The following ZBTB40 variants were observed in gnomAD, a reference collection of about 807,000 sequenced individuals.
ZBTB40 encodes the protein zinc finger and BTB domain containing 40.
ZBTB40 carries 60 observed loss-of-function variants against 117.5 expected under a neutral mutation model. The observed-to-expected ratio is 0.51, with a 90% CI of 0.41 to 0.63. The LOEUF (loss-of-function observed/expected upper bound fraction) is 0.63, where lower values mean the gene tolerates loss of function less well. ZBTB40 is among the 30% of genes least tolerant of loss of function. The probability of loss-of-function intolerance (pLI) is 0.00; values close to 1 mark genes in which losing one functional copy is unlikely to be tolerated. For synonymous variants in ZBTB40, 525 were observed against 577.1 expected (o/e 0.91, Z 1.29); for missense variants, 1,287 against 1,498.5 (o/e 0.86, Z 2.33).
intron 9 of ZBTB40, among the ~76,000 whole-genome samples, chr1:22,510,604 A>T (rs1639205828): frequency 6.6e-6 from 1 of 152,228 alleles, no homozygotes; most frequent in South Asian, 2.1e-4. Context: ...CTGAAAGAGG[A>T]CGACGGCTTT....
chr1:22,515,586 A>G (rs1474920768), intron 12 of ZBTB40, among the ~76,000 whole-genome samples: 1 of 150,970 alleles, frequency 6.6e-6, no homozygotes, highest in Non-Finnish European at 1.5e-5. Context: ...CATCACCCCA[A>G]CCTCTGCCTC....
At position 22,517,400 on chromosome 1, in the gene ZBTB40, C is replaced by CGGGCT. The variant is rs774519445; in HGVS notation, c.2769_2770insGGGCT (p.Arg924GlyfsTer25). The CGGGCT allele has an allele frequency of 1.9e-6, 3 of 1,614,062 alleles. No individual in the cohort carries two copies. In the African/African-American group the frequency reaches 4.0e-5, roughly 22 times the overall value. The stretch of plus-strand genomic sequence containing the variant: ...ACACCGGGGACAAGCCCTATGTCTG[C>CGGGCT]AGAGACTGTGGCAAGGGCTTCCGGC... On this transcript the variant is annotated frameshift_variant, in exon 13 of 18. Coordinates refer to ENST00000375647, the MANE Select transcript of ZBTB40 (RefSeq NM_014870.4). LOFTEE classifies it high-confidence loss of function.
At chr1:22,517,137 A>T (rs1423385924) in intron 12 of ZBTB40, among the ~76,000 whole-genome samples, 163 bp from the exon 13 acceptor site, 9 of 152,166 alleles carry the variant, frequency 5.9e-5, no homozygotes, top group African/African-American at 2.2e-4. Flanking sequence ...GTGCCATGTG[A>T]TGAGACGGCT....
intron 14 of ZBTB40, among the ~76,000 whole-genome samples, chr1:22,521,046 G>T (rs1336907709): frequency 2.0e-5 from 3 of 152,262 alleles, no homozygotes; most frequent in African/African-American, 7.2e-5. Context: ...TCCTCCAGCA[G>T]CTTGCTCGGC....
At chr1:22,479,571 C>G (rs981573704) in intron 1 of ZBTB40, among the ~76,000 whole-genome samples, 2 of 152,000 alleles carry the variant, frequency 1.3e-5, no homozygotes, top group African/African-American at 2.4e-5. Flanking sequence ...TGTGTTTTCT[C>G]TTGGTTTGCT....
intron 1 of ZBTB40, among the ~76,000 whole-genome samples, chr1:22,446,513 TA>T (rs1027071194): frequency 2.0e-5 from 3 of 151,870 alleles, no homozygotes; most frequent in Non-Finnish European, 4.4e-5. Flanking sequence ...AGAAATCTTG[TA>T]AGAAGCCACA....
At chr1:22,459,026 GT>G (rs1641069945) in intron 1 of ZBTB40, among the ~76,000 whole-genome samples, 2 of 152,062 alleles carry the variant, frequency 1.3e-5, no homozygotes, top group Admixed American at 1.3e-4. Context: ...AAGTTTTGGG[GT>G]TTTGCCAATC....
At chr1:22,521,349 A>G (rs1012360788) in intron 14 of ZBTB40, 147 bp from the exon 15 acceptor site, 10 of 1,037,538 alleles carry the variant, frequency 9.6e-6, no homozygotes, top group Non-Finnish European at 1.5e-5. Context: ...CTTTCCTCAC[A>G]TCAGCACCCG....
At chr1:22,469,252 T>G (rs935280713) in intron 1 of ZBTB40, among the ~76,000 whole-genome samples, 1 of 152,244 alleles carries the variant, frequency 6.6e-6, no homozygotes, top group African/African-American at 2.4e-5. Flanking sequence ...TTTGTGAATT[T>G]CTTCTGTTTC....
chr1:22,512,972 C>T lies in ZBTB40; in HGVS notation c.2510C>T (p.Ser837Phe), dbSNP rs1158058510. The change falls in exon 12 of 18, where the codon TCC (serine) becomes TTC (phenylalanine). Residue 837 changes from serine to phenylalanine, a missense_variant. By Grantham distance (155) the Ser-to-Phe change is radical. Coordinates refer to ENST00000375647, the MANE Select transcript of ZBTB40 (RefSeq NM_014870.4). Reference sequence around the variant, plus strand: ...GAGCACTTCGATGAGAAGCCTTTCTCCTGTGAAGAGTGTGGGGCGAAGTTT... The same window carrying T: ...GAGCACTTCGATGAGAAGCCTTTCTTCTGTGAAGAGTGTGGGGCGAAGTTT... ...LTEHFDEKPF[S>F]CEECGAKFAA... 2.5e-6 allele frequency: 4 copies of T among 1,614,238 alleles called. No individual in the cohort carries two copies. Among genetic ancestry groups the T allele is most frequent in the African/African-American group, 2.7e-5 (2 of 75,056 alleles).
intron 5 of ZBTB40, 124 bp downstream of exon 5, chr1:22,502,565 G>T: frequency 7.6e-7 from 1 of 1,323,828 alleles, no homozygotes; most frequent in Non-Finnish European, 1.1e-6. Context: ...TAAGCATCTC[G>T]AAGTCAAGGT....
At chr1:22,432,405 A>C (rs1640603975) in intron 1 of ZBTB40, among the ~76,000 whole-genome samples, 1 of 152,206 alleles carries the variant, frequency 6.6e-6, no homozygotes, top group Non-Finnish European at 1.5e-5. Flanking sequence ...GCTACTCCCA[A>C]CATCTGCTCC....
chr1:22,468,740 C>T (rs183167680), intron 1 of ZBTB40, among the ~76,000 whole-genome samples: 9 of 144,708 alleles, frequency 6.2e-5, no homozygotes, highest in African/African-American at 2.3e-4. Flanking sequence ...CTCAAGTAAT[C>T]CTCCTGCCTT....
At position 22,528,442 on chromosome 1, in the gene ZBTB40, C is replaced by T. The variant is rs1386651037; in HGVS notation, c.*2046C>T. On this transcript the variant is annotated 3_prime_UTR_variant, in exon 18 of 18. Coordinates refer to ENST00000375647, the MANE Select transcript of ZBTB40 (RefSeq NM_014870.4). ...AAGTGATTTAAAAAGAAAAAACAAA[C>T]AACAACAAAAAAAACTCTTCGGAAT... The T allele has an allele frequency of 1.3e-5, 2 of 149,930 alleles. No individual in the cohort carries two copies. Among genetic ancestry groups the T allele is most frequent in the Non-Finnish European group, 3.0e-5 (2 of 67,436 alleles). 9.3% of individuals were successfully genotyped at this position (149,930 alleles called of 1,614,324 possible). A position where few individuals can be genotyped will look rare whatever the true frequency, so the allele number is the denominator to read the frequency against.
chr1:22,469,694 C>G (rs369291123), intron 1 of ZBTB40, among the ~76,000 whole-genome samples: 1 of 152,038 alleles, frequency 6.6e-6, no homozygotes, highest in Non-Finnish European at 1.5e-5. Context: ...GTAGCTACCA[C>G]GCCCGACTAA....
chr1:22,509,647 C>T (rs1406329343), intron 9 of ZBTB40, among the ~76,000 whole-genome samples: 2 of 152,226 alleles, frequency 1.3e-5, no homozygotes, highest in East Asian at 1.9e-4. Context: ...CTGTGCCTGG[C>T]CAGAACCAAT....
intron 1 of ZBTB40, among the ~76,000 whole-genome samples, chr1:22,484,159 A>C (rs1342946719): frequency 6.6e-6 from 1 of 152,176 alleles, no homozygotes; most frequent in Non-Finnish European, 1.5e-5. Flanking sequence ...GTAGCTTTAA[A>C]ATAGTAAATG....
intron 1 of ZBTB40, among the ~76,000 whole-genome samples, chr1:22,467,841 C>T (rs1453733928): frequency 2.0e-5 from 3 of 149,808 alleles, no homozygotes; most frequent in Non-Finnish European, 4.4e-5. Flanking sequence ...TGCCTGTAAT[C>T]CCAGCACCTT....
At chr1:22,517,177 C>G in intron 12 of ZBTB40, 123 bp from the exon 13 acceptor site, 1 of 1,385,852 alleles carries the variant, frequency 7.2e-7, no homozygotes, top group Non-Finnish European at 1.0e-6. Flanking sequence ...TGCAGACTGC[C>G]TGATGTTTTA....
Sources: gnomAD v4.1 joint callset for allele counts (sites outside exome capture counted in the v4.1 genomes callset) on GRCh38, gnomAD v4.1.1 for gene constraint, MANE v1.5 for transcripts, NCBI Gene and HGNC (gene_info 2026-07-23, HGNC 2026-07-21) for gene names.